CDC6: variants seen among roughly 807,000 people sequenced by gnomAD.
CDC6 encodes the protein DNA replication factor CDC6.
A neutral mutation model predicts 60.2 loss-of-function variants in CDC6; 46 were observed. That is an observed-to-expected ratio of 0.76 (90% CI 0.60 to 0.98). The LOEUF (loss-of-function observed/expected upper bound fraction) is 0.98. Among genes scored for constraint, CDC6 ranks in the 50% least tolerant of loss-of-function variants. The pLI, the probability that CDC6 is intolerant of heterozygous loss-of-function variation, is 0.00. For synonymous variants in CDC6, 210 were observed against 233.2 expected, an observed-to-expected ratio of 0.90 and a Z score of 0.90; for missense variants, 596 against 652.9, an observed-to-expected ratio of 0.91 and a Z score of 0.95.
rs765426777 is a variant in CDC6, at chr17:40,300,836, CCTT to C, written c.1261_1263del (p.Ser421del). ...GCTTATTTACTTTATAGGTAAATCA[CCTT>C]CTGAGCCTCTGATTCCCAAGAGGGT... On this transcript the variant is annotated inframe_deletion, in exon 10 of 12. Coordinates refer to ENST00000209728, the MANE Select transcript of CDC6 (RefSeq NM_001254.4). 6.2e-7 allele frequency: 1 copy of C among 1,613,172 alleles called. No homozygotes were observed. Among genetic ancestry groups the C allele is most frequent in the South Asian group, 1.1e-5 (1 of 91,064 alleles).
chr17:40,295,774 C>G lies in CDC6; in HGVS notation c.1184+318C>G, dbSNP rs371891778. Reference sequence around the variant, plus strand: ...TACTTTTCCATTAGCTGGTCTCAAGCAGGTTTATTTATGGACCTGAACCGT... The same window carrying G: ...TACTTTTCCATTAGCTGGTCTCAAGGAGGTTTATTTATGGACCTGAACCGT... On this transcript the variant is annotated intron_variant, in intron 8 of 11. Coordinates refer to ENST00000209728, the MANE Select transcript of CDC6 (RefSeq NM_001254.4). Among the ~76,000 whole-genome samples, 3 of 152,198 alleles carry G rather than the reference C, an allele frequency of 2.0e-5. No individual in the cohort carries two copies. The South Asian group carries it at 6.2e-4, about 32-fold the overall frequency.
intron 2 of CDC6, among the ~76,000 whole-genome samples, chr17:40,290,674 A>C (rs139528186): frequency 6.6e-5 from 10 of 152,314 alleles, no homozygotes; most frequent in African/African-American, 2.2e-4. Context: ...CAAGTCAGCT[A>C]CTAAGTGACT....
chr17:40,294,047 G>A lies in CDC6; in HGVS notation c.934G>A (p.Val312Met), dbSNP rs780891738. ...EWPWLSNSHL[V>M]LIGIANTLDL... ...GCCATGGCTAAGCAATTCTCACTTG[G>A]TGCTGATTGGTTAGTGCTCAATTGT... The change falls in exon 6 of 12, where the codon GTG becomes ATG. Residue 312 changes from valine to methionine, a missense_variant. Val to Met is a conservative substitution (Grantham distance 21). Coordinates refer to ENST00000209728, the MANE Select transcript of CDC6 (RefSeq NM_001254.4). The A allele has an allele frequency of 6.2e-7, 1 of 1,608,066 alleles. No individual in the cohort carries two copies. The highest frequency in any genetic ancestry group is 8.5e-7 in the Non-Finnish European group (1 of 1,174,462).
rs2032719886 is a variant in CDC6, at chr17:40,289,612, T to G, written c.178+14T>G. 1 of 1,610,784 alleles carries G rather than the reference T, an allele frequency of 6.2e-7. No homozygotes were observed. Among genetic ancestry groups the G allele is most frequent in the Non-Finnish European group, 8.5e-7 (1 of 1,177,148 alleles). ...GGAAACGTCTGGGTAAACCATCCAT[T>G]ATATCACTTTTTCACTAGCAGCTCG... is the stretch of plus-strand genomic sequence containing the variant. On this transcript the variant is annotated intron_variant, in intron 2 of 11. Coordinates refer to ENST00000209728, the MANE Select transcript of CDC6 (RefSeq NM_001254.4).
At chr17:40,296,848 G>T (rs1244232692) in intron 9 of CDC6, 81 bp downstream of exon 9, 12 of 956,682 alleles carry the variant, frequency 1.3e-5, no homozygotes, top group Non-Finnish European at 1.9e-5. Flanking sequence ...AAGATGAAAT[G>T]AACATAGTTA....
Position 40,297,945 on chromosome 17 carries a change from T to C in CDC6, c.1249+1178T>C, listed in dbSNP as rs201881005. ...TGTTTTGGTTGTGGCAAATGTAAAA[T>C]GGCCATGAACTACGTATCTTACAGT... On this transcript the variant is annotated intron_variant, in intron 9 of 11. Coordinates refer to ENST00000209728, the MANE Select transcript of CDC6 (RefSeq NM_001254.4). 1.2e-4 allele frequency among the ~76,000 whole-genome samples: 19 copies of C among 152,214 alleles called. No homozygotes were observed. The East Asian group carries it at 1.3e-3, about 11-fold the overall frequency.
chr17:40,296,962 AT>A (rs1162659821), intron 9 of CDC6, among the ~76,000 whole-genome samples, 195 bp downstream of exon 9: 2 of 152,198 alleles, frequency 1.3e-5, no homozygotes, highest in African/African-American at 4.8e-5. Flanking sequence ...ATTACTGGAA[AT>A]GAGTTCCCAG....
chr17:40,291,399 A>G, intron 3 of CDC6, 60 bp downstream of exon 3: 1 of 1,611,998 alleles, frequency 6.2e-7, no homozygotes, highest in East Asian at 2.2e-5. Context: ...ATGACTCCAA[A>G]TGAAACCACC....
intron 1 of CDC6, 107 bp from the exon 2 acceptor site, chr17:40,289,301 T>A: frequency 1.1e-6 from 1 of 912,838 alleles, no homozygotes; most frequent in South Asian, 1.4e-5. Context: ...TGTGATAACA[T>A]AATTAGGAAA....
At chr17:40,296,385 A>G (rs965886095) in intron 8 of CDC6, among the ~76,000 whole-genome samples, 1 of 152,228 alleles carries the variant, frequency 6.6e-6, no homozygotes, top group South Asian at 2.1e-4. Context: ...GGCTTAATGT[A>G]TGATGACCTA....
intron 9 of CDC6, among the ~76,000 whole-genome samples, chr17:40,300,244 G>C (rs537649921): frequency 1.3e-5 from 2 of 152,176 alleles, no homozygotes; most frequent in African/African-American, 4.8e-5. Context: ...GATTACAGGC[G>C]TGAGCCACTG....
rs4135008 is a variant in CDC6 at position 40,292,352 on chromosome 17, T to C, written c.660+684T>C. ...CTGGCACTTAGTTAAGAAAGAGGGC[T>C]AGGCACGGTGGCTCACACCTGTAAT... On this transcript the variant is annotated intron_variant, in intron 4 of 11. Coordinates refer to ENST00000209728, the MANE Select transcript of CDC6 (RefSeq NM_001254.4). 1.8e-4 allele frequency among the ~76,000 whole-genome samples: 27 copies of C among 150,946 alleles called. No homozygotes were observed. The South Asian group carries it at 3.2e-3, about 18-fold the overall frequency.
Position 40,303,313 on chromosome 17 carries a change from T to G in CDC6, c.*1312T>G, listed in dbSNP as rs1567738241. On this transcript the variant is annotated 3_prime_UTR_variant, in exon 12 of 12. Coordinates refer to ENST00000209728, the MANE Select transcript of CDC6 (RefSeq NM_001254.4). ...GTCCTTTCATAACTGAAGCAAATGC[T>G]TGAAATGTAAACCATGTGTGATACG... 1 of 152,250 alleles carries G rather than the reference T, an allele frequency of 6.6e-6. No homozygotes were observed. Among genetic ancestry groups the G allele is most frequent in the Non-Finnish European group, 1.5e-5 (1 of 68,042 alleles). 9.4% of individuals were successfully genotyped at this position (152,250 alleles called of 1,614,324 possible).
intron 9 of CDC6, among the ~76,000 whole-genome samples, chr17:40,297,495 G>C (rs922333496): frequency 2.5e-4 from 38 of 152,184 alleles, no homozygotes; most frequent in Admixed American, 1.7e-3. Flanking sequence ...AGGCCAAAGG[G>C]AGGGAGAGCA....
intron 10 of CDC6, 61 bp from the exon 11 acceptor site, chr17:40,301,407 A>T: frequency 2.6e-6 from 4 of 1,557,050 alleles, no homozygotes; most frequent in Non-Finnish European, 3.5e-6. Context: ...TTCTTAAATG[A>T]TTAAAGGCTA....
rs779176597 is a variant in CDC6 at position 40,300,831 on chromosome 17, A to G, written c.1253A>G (p.Lys418Arg). Residue 418 changes from lysine to arginine, a missense_variant, in exon 10 of 12, where the codon AAA becomes AGA. Lys to Arg is a conservative substitution (Grantham distance 26). Transcript: ENST00000209728. Reference sequence around the variant, plus strand: ...GCTTGGCTTATTTACTTTATAGGTAAATCACCTTCTGAGCCTCTGATTCCC... The same window carrying G: ...GCTTGGCTTATTTACTTTATAGGTAGATCACCTTCTGAGCCTCTGATTCCC... ...QTILKPLSEC[K>R]SPSEPLIPKR... is the part of the protein sequence containing the mutation. The G allele has an allele frequency of 1.6e-5, 26 of 1,612,616 alleles. No homozygotes were observed. Among genetic ancestry groups the G allele is most frequent in the Non-Finnish European group, 2.2e-5 (26 of 1,178,638 alleles).
At chr17:40,293,374 C>A in intron 4 of CDC6, 82 bp from the exon 5 acceptor site, 1 of 994,420 alleles carries the variant, frequency 1.0e-6, no homozygotes, top group Non-Finnish European at 1.6e-6. Flanking sequence ...GTGCTGTTAG[C>A]TCTTCAAAGA....
chr17:40,302,333 T>G lies in CDC6; in HGVS notation c.*332T>G. 3.5e-6 allele frequency: 1 copy of G among 282,804 alleles called. No homozygotes were observed. The highest frequency in any genetic ancestry group is 6.7e-6 in the Non-Finnish European group (1 of 149,156). The allele number at this position is 282,804 out of a possible 1,614,324, so 17.5% of individuals were successfully genotyped here. On this transcript the variant is annotated 3_prime_UTR_variant, in exon 12 of 12. Coordinates refer to ENST00000209728, the MANE Select transcript of CDC6 (RefSeq NM_001254.4). ...ACCTCTTCGTTTGCTCAAACATGAG[T>G]GGGTATTTTTTTGTTTGTTTTTTTT...
chr17:40,302,048 G>A lies in CDC6; in HGVS notation c.*47G>A. 1.8e-6 allele frequency: 2 copies of A among 1,081,548 alleles called. No homozygotes were observed. The highest frequency in any genetic ancestry group is 2.9e-6 in the Non-Finnish European group (2 of 693,434). 67.0% of individuals were successfully genotyped at this position (1,081,548 alleles called of 1,614,324 possible). On this transcript the variant is annotated 3_prime_UTR_variant, in exon 12 of 12. Coordinates refer to ENST00000209728, the MANE Select transcript of CDC6 (RefSeq NM_001254.4). ...CGAAAGTATTCAGCTGGCATTTAGA[G>A]AGCTACAGTCTTCATTTTAGTGCTT...
Sources: gnomAD v4.1 joint callset for allele counts (sites outside exome capture counted in the v4.1 genomes callset) on GRCh38, gnomAD v4.1.1 for gene constraint, MANE v1.5 for transcripts, NCBI Gene and HGNC (gene_info 2026-07-23, HGNC 2026-07-21) for gene names.